LRRC41: variants seen among roughly 807,000 people sequenced by gnomAD.
LRRC41 encodes leucine-rich repeat-containing protein 41.
LRRC41 carries 17 observed loss-of-function variants against 72.1 expected under a neutral mutation model. The observed-to-expected ratio is 0.24, with a 90% CI of 0.16 to 0.35. The LOEUF is 0.35. LRRC41 is among the 10% of genes least tolerant of loss of function. The pLI is 1.00. For synonymous variants in LRRC41, 427 were observed against 431.0 expected, an observed-to-expected ratio of 0.99 and a Z score of 0.11; for missense variants, 759 against 1,065.0, an observed-to-expected ratio of 0.71 and a Z score of 4.00.
In LRRC41 at chr1:46,279,048, G is replaced by A. The variant is rs370244427; in HGVS notation, c.2256C>T (p.Phe752=). 5.6e-6 allele frequency: 9 copies of A among 1,610,522 alleles called. No homozygotes were observed. Among genetic ancestry groups the A allele is most frequent in the African/African-American group, 5.3e-5 (4 of 74,824 alleles). ...GGCCCCAGCGCTCCAGCCGCTTGGC[G>A]AACTCCAGAAGCCCATCTGGCTTGA... ...NCIKPDGLLE[F]AKRLERWGRG... is the part of the protein sequence containing the mutation. The change falls in exon 10 of 10, where the codon TTC becomes TTT. Residue 752 remains phenylalanine (F), a synonymous_variant. Coordinates refer to ENST00000617190, the MANE Select transcript of LRRC41 (RefSeq NM_006369.5). This position sits in a 1 kb window ranked among gnomAD's most constrained non-coding sequence, Gnocchi z 4.5.
Position 46,277,883 on chromosome 1 carries a change from G to A in LRRC41, c.*982C>T, listed in dbSNP as rs1312488884. ...CAAGAAGGCACTGAGCAGCTGTGTGGTGGATGAGGAGCAGGATGTAGAGCG... is the reference window on the plus strand; with the variant it reads ...CAAGAAGGCACTGAGCAGCTGTGTGATGGATGAGGAGCAGGATGTAGAGCG... On this transcript the variant is annotated 3_prime_UTR_variant, in exon 10 of 10. Transcript: ENST00000617190. 2 of 1,613,932 alleles carry A rather than the reference G, an allele frequency of 1.2e-6. No homozygotes were observed. Among genetic ancestry groups the A allele is most frequent in the Non-Finnish European group, 1.7e-6 (2 of 1,179,986 alleles).
At position 46,279,397 on chromosome 1, in the gene LRRC41, G is replaced by C. The variant is rs758614015; in HGVS notation, c.2143+95C>G. ...GAAATATCTGTATTCCAACTCCCAC[G>C]TTCCCAGTGGAGAGGTCTTTGCCTT... On this transcript the variant is annotated intron_variant, in intron 8 of 9. Transcript: ENST00000617190. This position sits in a 1 kb window ranked among gnomAD's most constrained non-coding sequence, Gnocchi z 4.5. 100 of 1,591,010 alleles carry C rather than the reference G, an allele frequency of 6.3e-5. No individual in the cohort carries two copies. The highest frequency in any genetic ancestry group is 8.5e-5 in the Non-Finnish European group (98 of 1,159,492).
chr1:46,292,683 G>A (rs1661043098), intron 3 of LRRC41, among the ~76,000 whole-genome samples: 1 of 152,044 alleles, frequency 6.6e-6, no homozygotes, highest in African/African-American at 2.4e-5. Context: ...TTATTTTACT[G>A]GGATATTTGT....
chr1:46,292,815 A>T (rs929732935), intron 3 of LRRC41, among the ~76,000 whole-genome samples: 1 of 152,154 alleles, frequency 6.6e-6, no homozygotes. Context: ...AATCAATACA[A>T]AGTCCTGAAG....
chr1:46,293,381 A>G (rs1284723439), intron 3 of LRRC41, among the ~76,000 whole-genome samples: 1 of 151,892 alleles, frequency 6.6e-6, no homozygotes, highest in South Asian at 2.1e-4. Flanking sequence ...CTGGGACTAG[A>G]GGCGCACACC....
chr1:46,291,178 C>G (rs1661008320), intron 3 of LRRC41, among the ~76,000 whole-genome samples: 1 of 152,050 alleles, frequency 6.6e-6, no homozygotes, highest in African/African-American at 2.4e-5. Flanking sequence ...GCCGCCTTGG[C>G]CTCCCAAAGT....
intron 1 of LRRC41, chr1:46,300,526 C>T (rs1661202544): frequency 6.6e-6 from 1 of 152,178 alleles, no homozygotes; most frequent in African/African-American, 2.4e-5. Context: ...ATGTAGTCCA[C>T]ATCACCTTTC....
intron 1 of LRRC41, chr1:46,299,884 A>C (rs1661190924): frequency 6.6e-6 from 1 of 151,936 alleles, no homozygotes; most frequent in African/African-American, 2.4e-5. Flanking sequence ...CTCACAAATA[A>C]AATAAAATAA....
rs1569630695 is a variant in LRRC41 at position 46,279,023 on chromosome 1, G to A, written c.2281C>T (p.Arg761Cys). The change falls in exon 10 of 10, where the codon CGT (arginine) becomes TGT (cysteine). Residue 761 changes from arginine to cysteine, a missense_variant. Transcript: ENST00000617190. This position sits in a 1 kb window ranked among gnomAD's most constrained non-coding sequence, Gnocchi z 4.5. Reference sequence around the variant, plus strand: ...AGGCGCAGGTGACCAAAGGCTCCACGGCCCCAGCGCTCCAGCCGCTTGGCG... The same window carrying A: ...AGGCGCAGGTGACCAAAGGCTCCACAGCCCCAGCGCTCCAGCCGCTTGGCG... ...EFAKRLERWGRGAFGHLRLFQ... is the reference protein window; with the variant it reads ...EFAKRLERWGCGAFGHLRLFQ... 1.2e-6 allele frequency: 2 copies of A among 1,613,138 alleles called. No homozygotes were observed. Among genetic ancestry groups the A allele is most frequent in the Non-Finnish European group, 1.7e-6 (2 of 1,179,548 alleles).
chr1:46,303,032 CCCCGGGCCT>C, intron 1 of LRRC41, 83 bp downstream of exon 1: 1 of 1,338,122 alleles, frequency 7.5e-7, no homozygotes, highest in Admixed American at 3.8e-5. Context: ...CTGGGCCTTG[CCCCGGGCCT>C]CCCGGCCTCG....
chr1:46,300,667 A>G (rs1661204704), intron 1 of LRRC41: 2 of 152,174 alleles, frequency 1.3e-5, no homozygotes, highest in African/African-American at 2.4e-5. Flanking sequence ...CATTCATGAT[A>G]AAGTCCAAAC....
chr1:46,293,838 AT>A (rs774424830), intron 3 of LRRC41, among the ~76,000 whole-genome samples: 3 of 151,976 alleles, frequency 2.0e-5, no homozygotes, highest in Admixed American at 1.3e-4. Context: ...ATCTCGGCTC[AT>A]TTTAACCTCT....
intron 3 of LRRC41, among the ~76,000 whole-genome samples, chr1:46,287,551 T>A (rs2148317971): frequency 6.6e-6 from 1 of 152,362 alleles, no homozygotes; most frequent in African/African-American, 2.4e-5. Flanking sequence ...GTCTCCCTAC[T>A]GCCCTTCCAC....
chr1:46,280,298 G>C lies in LRRC41; in HGVS notation c.1922-8C>G. On this transcript the variant is annotated splice_region_variant and splice_polypyrimidine_tract_variant and intron_variant, in intron 6 of 9. Transcript: ENST00000617190. ...TCAGGGCTAGGTTGTACTCTGGATA[G>C]GAGGCAGAGACCATGGACCATGGAC... 1.2e-6 allele frequency: 2 copies of C among 1,612,866 alleles called. No homozygotes were observed. The highest frequency in any genetic ancestry group is 1.3e-5 in the African/African-American group (1 of 75,034).
chr1:46,295,057 T>G (rs528570193), intron 3 of LRRC41, among the ~76,000 whole-genome samples: 1 of 152,120 alleles, frequency 6.6e-6, no homozygotes, highest in South Asian at 2.1e-4. Flanking sequence ...TACAGATCTT[T>G]TTTTATTTGT....
chr1:46,286,203 C>T lies in LRRC41; in HGVS notation c.654G>A (p.Leu218=). 6.2e-7 allele frequency: 1 copy of T among 1,614,246 alleles called. No individual in the cohort carries two copies. Among genetic ancestry groups the T allele is most frequent in the South Asian group, 1.1e-5 (1 of 91,086 alleles). ...VAAQQSLRQL[L]HQLIHHGAVS... is the part of the protein sequence containing the mutation. The stretch of plus-strand genomic sequence containing the variant: ...CAGCCCCATGGTGAATGAGCTGATG[C>T]AACAGCTGCCGAAGTGACTGCTGAG... Residue 218 remains leucine (L), a synonymous_variant, in exon 4 of 10, where the codon TTG becomes TTA. Coordinates refer to ENST00000617190, the MANE Select transcript of LRRC41 (RefSeq NM_006369.5). This position sits in a 1 kb window ranked among gnomAD's most constrained non-coding sequence, Gnocchi z 5.5.
chr1:46,292,258 CAA>C (rs769710803), intron 3 of LRRC41, among the ~76,000 whole-genome samples: 6 of 125,954 alleles, frequency 4.8e-5, no homozygotes, highest in Admixed American at 8.1e-5. Context: ...GACTCTGTCT[CAA>C]AAAAAAAAAA....
At position 46,285,353 on chromosome 1, in the gene LRRC41, G is replaced by A. The variant is rs1189531464; in HGVS notation, c.1495+9C>T. The A allele has an allele frequency of 2.5e-6, 4 of 1,613,706 alleles. No individual in the cohort carries two copies. Among genetic ancestry groups the A allele is most frequent in the Middle Eastern group, 1.7e-4 (1 of 6,058 alleles). ...CTAAGCCCAATCCCTGCCACTCCAG[G>A]GTGCTCACCATTGTAGGAGAGTGTG... is the stretch of plus-strand genomic sequence containing the variant. On this transcript the variant is annotated intron_variant, in intron 4 of 9. Transcript: ENST00000617190. This position sits in a 1 kb window ranked among gnomAD's most constrained non-coding sequence, Gnocchi z 5.3.
At chr1:46,294,550 C>T (rs1661083824) in intron 3 of LRRC41, among the ~76,000 whole-genome samples, 1 of 150,962 alleles carries the variant, frequency 6.6e-6, no homozygotes, top group South Asian at 2.1e-4. Context: ...AGATGTCAGT[C>T]ACTGTACCCG....
Sources: allele counts gnomAD v4.1 joint callset (sites outside exome capture counted in the v4.1 genomes callset), GRCh38; gene constraint gnomAD v4.1.1; non-coding constraint Gnocchi (gnomAD v3.1); transcripts MANE v1.5; gene names NCBI Gene and HGNC (gene_info 2026-07-23, HGNC 2026-07-21).